DENND1B: variants seen among roughly 807,000 people sequenced by gnomAD.
The protein encoded by DENND1B is DENN domain-containing protein 1B.
Under a neutral mutation model 90.1 loss-of-function variants are expected in DENND1B, and 59 were observed. The ratio of observed to expected loss-of-function variants is 0.65; its 90% CI spans 0.53 to 0.81. DENND1B has a LOEUF of 0.81. Among genes scored for constraint, DENND1B ranks in the 40% least tolerant of loss-of-function variants. The pLI, the probability that DENND1B is intolerant of heterozygous loss-of-function variation, is 0.00. For synonymous variants in DENND1B, 337 were observed against 324.6 expected (o/e 1.04, Z -0.41); for missense variants, 862 against 912.6 (o/e 0.94, Z 0.71).
intron 2 of DENND1B, among the ~76,000 whole-genome samples, chr1:197,750,006 C>T (rs548515236): frequency 4.4e-4 from 67 of 152,176 alleles, no homozygotes; most frequent in African/African-American, 1.6e-3. Flanking sequence ...ACCACCACAC[C>T]CAGCTAATTC....
chr1:197,555,345 C>T (rs1455231237), intron 15 of DENND1B, among the ~76,000 whole-genome samples: 1 of 151,754 alleles, frequency 6.6e-6, no homozygotes, highest in Non-Finnish European at 1.5e-5. Flanking sequence ...GTAACAAAAC[C>T]AAAAATTGAA....
intron 10 of DENND1B, among the ~76,000 whole-genome samples, chr1:197,634,431 C>T (rs1013140505): frequency 6.6e-6 from 1 of 151,992 alleles, no homozygotes; most frequent in Non-Finnish European, 1.5e-5. Context: ...AATGAATGAA[C>T]AAATGAACAT....
At chr1:197,606,980 A>T in intron 13 of DENND1B, 93 bp downstream of exon 13, 2 of 883,518 alleles carry the variant, frequency 2.3e-6, no homozygotes, top group Non-Finnish European at 3.6e-6. Context: ...CAACCCTTTT[A>T]TTTCAGATAT....
intron 15 of DENND1B, among the ~76,000 whole-genome samples, chr1:197,573,591 A>T (rs1425513995): frequency 6.6e-6 from 1 of 152,098 alleles, no homozygotes; most frequent in Non-Finnish European, 1.5e-5. Flanking sequence ...ATCCTCCCTA[A>T]CTCATTTTAT....
At chr1:197,716,673 A>G (rs1294631491) in intron 2 of DENND1B, among the ~76,000 whole-genome samples, 1 of 151,948 alleles carries the variant, frequency 6.6e-6, no homozygotes, top group Non-Finnish European at 1.5e-5. Context: ...TACAATTACT[A>G]ACAGCTACAT....
chr1:197,597,889 T>C (rs1251540363), intron 13 of DENND1B, among the ~76,000 whole-genome samples: 2 of 151,836 alleles, frequency 1.3e-5, no homozygotes, highest in African/African-American at 2.4e-5. Flanking sequence ...AAACAGACAC[T>C]GTATTTAGAA....
In DENND1B at chr1:197,610,807, A is replaced by G. The variant is rs117693936; in HGVS notation, c.819+1124T>C. 6.8e-4 allele frequency among the ~76,000 whole-genome samples: 103 copies of G among 151,092 alleles called. No homozygotes were observed. In the East Asian group the frequency reaches 0.02, roughly 29 times the overall value. On this transcript the variant is annotated intron_variant, in intron 12 of 22. Transcript: ENST00000620048. ...AGAAATGAATAAAAAATAAGGAGTC[A>G]TAAAGGTATCCAACTCAGACTTCAA...
At position 197,506,965 on chromosome 1, in the gene DENND1B, C is replaced by T. The variant is rs192164650; in HGVS notation, c.*3495G>A. ...TTCTAAAAGAGTCTCTAAATCTGCCCCTTAAATGTGGGTATCTTAGCAGCA... is the reference window on the plus strand; with the variant it reads ...TTCTAAAAGAGTCTCTAAATCTGCCTCTTAAATGTGGGTATCTTAGCAGCA... On this transcript the variant is annotated 3_prime_UTR_variant, in exon 23 of 23. Transcript: ENST00000620048. 2 of 151,084 alleles carry T rather than the reference C, an allele frequency of 1.3e-5. No homozygotes were observed. Among genetic ancestry groups the T allele is most frequent in the Admixed American group, 1.3e-4 (2 of 15,118 alleles). 9.4% of individuals were successfully genotyped at this position (151,084 alleles called of 1,614,324 possible).
intron 15 of DENND1B, among the ~76,000 whole-genome samples, chr1:197,566,310 G>A (rs541012876): frequency 2.6e-5 from 4 of 151,920 alleles, no homozygotes; most frequent in African/African-American, 9.7e-5. Context: ...GTCTGTTCAT[G>A]TCCTTTGCCC....
chr1:197,564,395 C>CCA (rs556369284), intron 15 of DENND1B, among the ~76,000 whole-genome samples: 1 of 63,156 alleles, frequency 1.6e-5, no homozygotes, highest in Admixed American at 2.5e-4. Flanking sequence ...CCTCCACCAG[C>CCA]AAAAAAAAAA....
chr1:197,643,443 A>G (rs1208917733), intron 9 of DENND1B, among the ~76,000 whole-genome samples: 1 of 152,100 alleles, frequency 6.6e-6, no homozygotes, highest in Non-Finnish European at 1.5e-5. Context: ...GGCATGAGAC[A>G]CCACACCTGG....
At chr1:197,634,996 AAAGG>A (rs1572142937) in intron 10 of DENND1B, among the ~76,000 whole-genome samples, 1 of 149,816 alleles carries the variant, frequency 6.7e-6, no homozygotes, top group East Asian at 1.9e-4. Context: ...CTCTGCGTGA[AAAGG>A]AAGGAAGGAA....
chr1:197,582,558 T>C (rs1263791424), intron 15 of DENND1B, among the ~76,000 whole-genome samples: 1 of 152,144 alleles, frequency 6.6e-6, no homozygotes, highest in Non-Finnish European at 1.5e-5. Flanking sequence ...CTTGCTATGA[T>C]TACACAATGG....
At chr1:197,696,962 G>A (rs1658494962) in intron 3 of DENND1B, among the ~76,000 whole-genome samples, 2 of 150,958 alleles carry the variant, frequency 1.3e-5, no homozygotes, top group Admixed American at 1.3e-4. Flanking sequence ...AGTACAGACA[G>A]GTTGCCTTGG....
chr1:197,514,654 T>C (rs1418346598), intron 20 of DENND1B, among the ~76,000 whole-genome samples: 4 of 151,670 alleles, frequency 2.6e-5, no homozygotes, highest in African/African-American at 7.2e-5. Flanking sequence ...GCTACATAAA[T>C]GGTTTCTGGG....
chr1:197,749,127 TAAA>T, intron 2 of DENND1B, among the ~76,000 whole-genome samples: 1 of 148,132 alleles, frequency 6.8e-6, no homozygotes, highest in South Asian at 2.2e-4. Flanking sequence ...CTGAGAAAAA[TAAA>T]ACAGAGTCCC....
intron 13 of DENND1B, among the ~76,000 whole-genome samples, chr1:197,602,766 T>G (rs1218096502): frequency 1.3e-5 from 2 of 151,498 alleles, no homozygotes; most frequent in Non-Finnish European, 3.0e-5. Flanking sequence ...CTGAAAAAAC[T>G]AATTCTCTCA....
chr1:197,634,245 C>G (rs1007111190), intron 10 of DENND1B, among the ~76,000 whole-genome samples: 1 of 152,096 alleles, frequency 6.6e-6, no homozygotes, highest in African/African-American at 2.4e-5. Context: ...CCTTGTTACC[C>G]CAATCCCAAT....
At chr1:197,667,350 G>A (rs535593347) in intron 5 of DENND1B, among the ~76,000 whole-genome samples, 1 of 152,058 alleles carries the variant, frequency 6.6e-6, no homozygotes, top group Admixed American at 6.6e-5. Context: ...CACCCCATCA[G>A]CAATATTTTT....
Sources: allele counts gnomAD v4.1 joint callset (sites outside exome capture counted in the v4.1 genomes callset), GRCh38; gene constraint gnomAD v4.1.1; transcripts MANE v1.5; gene names NCBI Gene and HGNC (gene_info 2026-07-23, HGNC 2026-07-21).